The following PDSS2 variants were observed in gnomAD, a reference collection of about 807,000 sequenced individuals.
The protein encoded by PDSS2 is decaprenyl diphosphate synthase subunit 2, also known as all trans-polyprenyl-diphosphate synthase PDSS2.
PDSS2 carries 31 observed loss-of-function variants against 44.5 expected under a neutral mutation model. The ratio of observed to expected loss-of-function variants is 0.70; its 90% confidence interval spans 0.52 to 0.94. The LOEUF is 0.94. PDSS2 is among the 40% of genes least tolerant of loss of function. The pLI, the probability that PDSS2 is intolerant of heterozygous loss-of-function variation, is 0.00. For synonymous variants in PDSS2, 157 were observed against 180.3 expected (o/e 0.87, Z 1.03); for missense variants, 452 against 482.2 (o/e 0.94, Z 0.59).
intron 7 of PDSS2, among the ~76,000 whole-genome samples, chr6:107,174,735 A>G (rs1771726517): frequency 6.6e-6 from 1 of 152,214 alleles, no homozygotes; most frequent in Non-Finnish European, 1.5e-5. Context: ...AAACATCTTA[A>G]TCTGACAAAA....
At chr6:107,171,457 C>A (rs188964359) in intron 7 of PDSS2, among the ~76,000 whole-genome samples, 1 of 152,100 alleles carries the variant, frequency 6.6e-6, no homozygotes, top group African/African-American at 2.4e-5. Flanking sequence ...CCATCACAAC[C>A]GTCCATGATC....
intron 1 of PDSS2, among the ~76,000 whole-genome samples, chr6:107,405,480 T>A (rs1291690196): frequency 6.6e-6 from 1 of 151,174 alleles, no homozygotes; most frequent in East Asian, 1.9e-4. Flanking sequence ...TAGATAACAA[T>A]CAATATCATG....
intron 3 of PDSS2, among the ~76,000 whole-genome samples, chr6:107,258,088 T>G (rs1051774155): frequency 6.6e-6 from 1 of 152,250 alleles, no homozygotes; most frequent in Non-Finnish European, 1.5e-5. Context: ...AATTTACATT[T>G]GTACATTACC....
chr6:107,355,107 A>G lies in PDSS2; in HGVS notation c.297-20775T>C, dbSNP rs536663619. On this transcript the variant is annotated intron_variant, in intron 1 of 7. Transcript: ENST00000369037. ...GCCACCACGCCCAGCTAATTTTTGT[A>G]TTTTTAGTAGAGACAGGGTTTCACC... is the stretch of plus-strand genomic sequence containing the variant. 3.9e-5 allele frequency among the ~76,000 whole-genome samples: 6 copies of G among 152,060 alleles called. 1 individual carries two copies. Among genetic ancestry groups the G allele is most frequent in the African/African-American group, 1.4e-4 (6 of 41,480 alleles).
At chr6:107,224,434 T>A (rs1773719465) in intron 4 of PDSS2, among the ~76,000 whole-genome samples, 1 of 151,350 alleles carries the variant, frequency 6.6e-6, no homozygotes, top group South Asian at 2.1e-4. Context: ...TTGCCCTGTC[T>A]TGACAGGACA....
Position 107,226,501 on chromosome 6 carries a change from T to C in PDSS2, c.703-14219A>G, listed in dbSNP as rs566221416. On this transcript the variant is annotated intron_variant, in intron 4 of 7. Coordinates refer to ENST00000369037, the MANE Select transcript of PDSS2 (RefSeq NM_020381.4). ...GTAAAGAGTGAAGGAGATGGAAAAG[T>C]GTGTTCCAAGCTGCAAGGATGGCCC... Among the ~76,000 whole-genome samples, 4 of 151,778 alleles carry C rather than the reference T, an allele frequency of 2.6e-5. No individual in the cohort carries two copies. The South Asian group carries it at 6.2e-4, about 24-fold the overall frequency.
At chr6:107,340,265 T>C (rs1002089855) in intron 1 of PDSS2, among the ~76,000 whole-genome samples, 3 of 152,184 alleles carry the variant, frequency 2.0e-5, no homozygotes, top group African/African-American at 7.2e-5. Flanking sequence ...TCTAGATCTA[T>C]AATAGATAAA....
intron 2 of PDSS2, among the ~76,000 whole-genome samples, chr6:107,332,842 A>C (rs1198110753): frequency 6.6e-6 from 1 of 152,250 alleles, no homozygotes; most frequent in Non-Finnish European, 1.5e-5. Context: ...ACAAATATGA[A>C]CCATTTCAGA....
intron 3 of PDSS2, among the ~76,000 whole-genome samples, chr6:107,273,646 T>C (rs1244989369): frequency 6.6e-6 from 1 of 151,976 alleles, no homozygotes; most frequent in Admixed American, 6.6e-5. Context: ...TACAAAAAAT[T>C]ACATATATAA....
chr6:107,163,690 T>C (rs1554247101), intron 7 of PDSS2, among the ~76,000 whole-genome samples: 1 of 151,824 alleles, frequency 6.6e-6, no homozygotes, highest in African/African-American at 2.4e-5. Context: ...GAAGCCTCTG[T>C]CTCCCGGGTT....
At chr6:107,319,748 A>C (rs1362696821) in intron 2 of PDSS2, among the ~76,000 whole-genome samples, 1 of 152,212 alleles carries the variant, frequency 6.6e-6, no homozygotes, top group Non-Finnish European at 1.5e-5. Context: ...ACCGTTGCAG[A>C]CGTGTCAGTA....
At chr6:107,422,969 A>G (rs1780875530) in intron 1 of PDSS2, among the ~76,000 whole-genome samples, 1 of 152,154 alleles carries the variant, frequency 6.6e-6, no homozygotes, top group Admixed American at 6.5e-5. Flanking sequence ...TTCCATAGAA[A>G]AAATAAAACT....
At chr6:107,312,103 C>G (rs1777062889) in intron 2 of PDSS2, among the ~76,000 whole-genome samples, 1 of 152,210 alleles carries the variant, frequency 6.6e-6, no homozygotes. Flanking sequence ...GAGGAAATAG[C>G]ACAGTGCATG....
At chr6:107,304,355 T>C (rs998491546) in intron 2 of PDSS2, among the ~76,000 whole-genome samples, 9 of 152,266 alleles carry the variant, frequency 5.9e-5, no homozygotes, top group African/African-American at 1.9e-4. Context: ...TTATCACTTT[T>C]TGTCATTTCT....
intron 1 of PDSS2, among the ~76,000 whole-genome samples, chr6:107,443,868 C>T (rs946536437): frequency 6.6e-6 from 1 of 152,148 alleles, no homozygotes; most frequent in Non-Finnish European, 1.5e-5. Flanking sequence ...TTCACTACGG[C>T]ATTTATCTCA....
chr6:107,157,068 T>C (rs1770926238), intron 7 of PDSS2, among the ~76,000 whole-genome samples: 1 of 152,222 alleles, frequency 6.6e-6, no homozygotes, highest in African/African-American at 2.4e-5. Context: ...AAGACAATCT[T>C]GCTTAAACCC....
At chr6:107,299,146 C>CAAAAAAAAAAAAAAAA (rs71991148) in intron 2 of PDSS2, among the ~76,000 whole-genome samples, 1 of 53,494 alleles carries the variant, frequency 1.9e-5, no homozygotes, top group Non-Finnish European at 3.1e-5. Context: ...GACCCTGTCT[C>CAAAAAAAAAAAAAAAA]AAAAAAAAAA....
chr6:107,313,577 T>C (rs1777112350), intron 2 of PDSS2, among the ~76,000 whole-genome samples: 1 of 151,834 alleles, frequency 6.6e-6, no homozygotes, highest in Non-Finnish European at 1.5e-5. Context: ...GGTCTCGAAC[T>C]CCTGACCTCA....
intron 6 of PDSS2, among the ~76,000 whole-genome samples, chr6:107,205,334 A>G (rs1487471708): frequency 6.6e-6 from 1 of 152,210 alleles, no homozygotes. Context: ...CATAATTCTT[A>G]TTTCTTCAGG....
Sources: allele counts gnomAD v4.1 joint callset (sites outside exome capture counted in the v4.1 genomes callset), GRCh38; gene constraint gnomAD v4.1.1; transcripts MANE v1.5; gene names NCBI Gene and HGNC (gene_info 2026-07-23, HGNC 2026-07-21).